ANK1: variants seen among roughly 807,000 people sequenced by gnomAD.
ANK1 encodes the protein ankyrin 1.
Under a neutral mutation model 210.4 loss-of-function variants are expected in ANK1, and 51 were observed. The observed-to-expected ratio is 0.24, with a 90% CI of 0.19 to 0.31. The LOEUF (loss-of-function observed/expected upper bound fraction) is 0.31, where lower values mean the gene tolerates loss of function less well. ANK1 is among the 10% of genes least tolerant of loss of function. The pLI is 1.00. For missense variants in ANK1, 2,051 were observed against 2,504.4 expected, an observed-to-expected ratio of 0.82 and a Z score of 3.86; for synonymous variants, 967 against 1,025.9, an observed-to-expected ratio of 0.94 and a Z score of 1.10.
At chr8:41,693,285 C>A in intron 29 of ANK1, 84 bp from the exon 30 acceptor site, 1 of 1,229,734 alleles carries the variant, frequency 8.1e-7, no homozygotes. Flanking sequence ...CCGTGGTGTG[C>A]AAGGTGAGAC....
chr8:41,669,371 A>G (rs1178652500), intron 38 of ANK1, among the ~76,000 whole-genome samples: 1 of 151,960 alleles, frequency 6.6e-6, no homozygotes, highest in Non-Finnish European at 1.5e-5. Context: ...ATCACAGCTC[A>G]CTGCAGCTCT....
intron 20 of ANK1, among the ~76,000 whole-genome samples, chr8:41,702,682 A>G (rs1223607063): frequency 1.3e-5 from 2 of 152,258 alleles, no homozygotes; most frequent in Non-Finnish European, 2.9e-5. Flanking sequence ...TCAAAGAGGA[A>G]GAGCTACGTG....
At chr8:41,665,021 C>A (rs749946265) in intron 39 of ANK1, 2 of 1,613,520 alleles carry the variant, frequency 1.2e-6, no homozygotes, top group Non-Finnish European at 1.7e-6. Flanking sequence ...CGAAAGTCCA[C>A]ATCCTCGCCT....
At chr8:41,728,844 G>A (rs1198231487) in intron 3 of ANK1, among the ~76,000 whole-genome samples, 2 of 152,236 alleles carry the variant, frequency 1.3e-5, no homozygotes, top group African/African-American at 2.4e-5. Context: ...GCGCGTTGGC[G>A]TCCCTCAGGA....
chr8:41,881,476 C>T (rs1009563137), intron 1 of ANK1, among the ~76,000 whole-genome samples: 7 of 152,132 alleles, frequency 4.6e-5, no homozygotes, highest in African/African-American at 1.7e-4. Flanking sequence ...GAATACATGC[C>T]TTCTGTACTC....
chr8:41,663,529 A>C (rs1809287125), intron 40 of ANK1, 130 bp downstream of exon 40: 1 of 887,304 alleles, frequency 1.1e-6, no homozygotes. Context: ...CCTCCTGAGC[A>C]CGGGGGCAGC....
chr8:41,868,031 G>T (rs79551801), intron 1 of ANK1, among the ~76,000 whole-genome samples: 10,248 of 152,118 alleles, frequency 0.067, 551 homozygotes, highest in East Asian at 0.25. Context: ...GCTAATTTTT[G>T]TATTTTTAGT....
intron 1 of ANK1, among the ~76,000 whole-genome samples, chr8:41,763,984 A>G (rs1318203496): frequency 7.4e-6 from 1 of 135,026 alleles, no homozygotes; most frequent in Non-Finnish European, 1.5e-5. Flanking sequence ...TGAACTGCAG[A>G]TAATGATGCC....
At chr8:41,800,348 G>A (rs761178298), upstream of ANK1, among the ~76,000 whole-genome samples, 5 of 152,150 alleles carry the variant, frequency 3.3e-5, no homozygotes, top group Non-Finnish European at 4.4e-5. Context: ...ACGGAGGCAC[G>A]GGGAGATTAA....
chr8:41,707,707 C>A (rs140499384), intron 17 of ANK1, among the ~76,000 whole-genome samples: 3 of 152,224 alleles, frequency 2.0e-5, no homozygotes, highest in Non-Finnish European at 2.9e-5. Context: ...GTGAAGGAAC[C>A]CAGAATGCCA....
chr8:41,880,914 G>A (rs1217903537), intron 1 of ANK1, among the ~76,000 whole-genome samples: 2 of 152,228 alleles, frequency 1.3e-5, no homozygotes, highest in Admixed American at 1.3e-4. Flanking sequence ...TAGGGCCAAG[G>A]GCCATTTCCA....
chr8:41,868,409 A>G (rs1251948739), intron 1 of ANK1, among the ~76,000 whole-genome samples: 5 of 152,230 alleles, frequency 3.3e-5, no homozygotes, highest in Admixed American at 1.3e-4. Flanking sequence ...GGGCAAAACC[A>G]TTCCCAGTTC....
chr8:41,709,414 G>T (rs1383275134), intron 16 of ANK1, among the ~76,000 whole-genome samples: 1 of 152,244 alleles, frequency 6.6e-6, no homozygotes, highest in Non-Finnish European at 1.5e-5. Context: ...CATTAGGCAG[G>T]GTGGTTTAAG....
intron 1 of ANK1, among the ~76,000 whole-genome samples, chr8:41,806,976 A>G (rs1851056716): frequency 6.6e-6 from 1 of 152,252 alleles, no homozygotes; most frequent in Non-Finnish European, 1.5e-5. Flanking sequence ...AAGAGGAGGG[A>G]TGGAAGAATT....
chr8:41,787,255 T>C (rs182755005), intron 1 of ANK1, among the ~76,000 whole-genome samples: 148 of 152,334 alleles, frequency 9.7e-4, no homozygotes, highest in African/African-American at 3.3e-3. Context: ...TGGGTGATTA[T>C]ATAAAAAATG....
intron 1 of ANK1, among the ~76,000 whole-genome samples, chr8:41,796,773 C>T (rs1848813241): frequency 6.6e-6 from 1 of 151,716 alleles, no homozygotes; most frequent in Non-Finnish European, 1.5e-5. Context: ...AACTAAGAAC[C>T]GTACCCAACA....
chr8:41,845,221 C>T (rs985412815), intron 1 of ANK1, among the ~76,000 whole-genome samples: 12 of 151,756 alleles, frequency 7.9e-5, no homozygotes, highest in African/African-American at 2.7e-4. Flanking sequence ...CCCGTCTCTA[C>T]AAAAATACAA....
intron 1 of ANK1, among the ~76,000 whole-genome samples, chr8:41,866,118 A>T (rs1257921407): frequency 1.3e-5 from 2 of 152,156 alleles, no homozygotes; most frequent in Admixed American, 6.5e-5. Context: ...ACCAGGGAGA[A>T]CTTGCTTCCT....
intron 2 of ANK1, among the ~76,000 whole-genome samples, chr8:41,752,797 G>GC (rs1274083393): frequency 7.8e-5 from 4 of 51,188 alleles, no homozygotes; most frequent in Non-Finnish European, 1.8e-4. Context: ...GGCACACACA[G>GC]GCCCCCCCCC....
Sources: gnomAD v4.1 joint callset for allele counts (sites outside exome capture counted in the v4.1 genomes callset) on GRCh38, gnomAD v4.1.1 for gene constraint, MANE v1.5 for transcripts, NCBI Gene and HGNC (gene_info 2026-07-23, HGNC 2026-07-21) for gene names.